Variants in CCDC136 observed in about 807,000 individuals in gnomAD.
CCDC136 encodes coiled-coil domain containing 136, also known as coiled-coil domain-containing protein 136.
CCDC136 carries 100 observed loss-of-function variants against 141.2 expected under a neutral mutation model. That is an observed-to-expected ratio of 0.71 (90% CI 0.60 to 0.84). The LOEUF (loss-of-function observed/expected upper bound fraction) is 0.84, where lower values mean the gene tolerates loss of function less well. Among genes scored for constraint, CCDC136 ranks in the 40% least tolerant of loss-of-function variants. CCDC136 has a pLI of 0.00. For missense variants in CCDC136, 1,206 were observed against 1,379.4 expected (o/e 0.87, Z 1.99); for synonymous variants, 474 against 531.9 (o/e 0.89, Z 1.50).
Position 128,798,162 on chromosome 7 carries a change from C to A in CCDC136, c.347-3024C>A, listed in dbSNP as rs1429253130. ...TCGATCTCCTGACCTCATGATCCGC[C>A]CGCCTCTGCCTCCCAAAGTGCTGGG... On this transcript the variant is annotated intron_variant, in intron 3 of 17. Coordinates refer to ENST00000297788, the MANE Select transcript of CCDC136 (RefSeq NM_022742.5). Among the ~76,000 whole-genome samples, 4 of 150,616 alleles carry A rather than the reference C, an allele frequency of 2.7e-5. No homozygotes were observed. The South Asian group carries it at 6.4e-4, about 24-fold the overall frequency.
chr7:128,818,183 C>T (rs1359348204), intron 17 of CCDC136: 1 of 306,486 alleles, frequency 3.3e-6, no homozygotes, highest in African/African-American at 2.2e-5. Context: ...ACTTCTTTAT[C>T]CCCGCTCATC....
At chr7:128,799,948 AT>A (rs1182361509) in intron 3 of CCDC136, among the ~76,000 whole-genome samples, 1 of 152,232 alleles carries the variant, frequency 6.6e-6, no homozygotes, top group African/African-American at 2.4e-5. Flanking sequence ...TATTTTGTAA[AT>A]TAAAAAATAG....
At chr7:128,795,458 A>T (rs1802801522) in intron 3 of CCDC136, among the ~76,000 whole-genome samples, 1 of 151,952 alleles carries the variant, frequency 6.6e-6, no homozygotes, top group Non-Finnish European at 1.5e-5. Context: ...GAGAACTGAG[A>T]TCAAGCCAAA....
chr7:128,809,353 T>G, intron 10 of CCDC136, 97 bp from the exon 11 acceptor site: 1 of 812,774 alleles, frequency 1.2e-6, no homozygotes, highest in Non-Finnish European at 2.0e-6. Flanking sequence ...AGGGAGAGGA[T>G]CACAAGAGGC....
chr7:128,791,873 G>A, upstream of CCDC136: 1 of 409,426 alleles, frequency 2.4e-6, no homozygotes, highest in Non-Finnish European at 3.9e-6. This position sits in a 1 kb window ranked among gnomAD's most constrained non-coding sequence, Gnocchi z 7.1. Flanking sequence ...CGGGGCGAGG[G>A]TGGGGTGGGC....
intron 3 of CCDC136, among the ~76,000 whole-genome samples, chr7:128,799,773 C>T (rs561923367): frequency 9.9e-5 from 15 of 152,222 alleles, no homozygotes; most frequent in African/African-American, 3.6e-4. Context: ...TCCTGACCCT[C>T]CCAACCCAAT....
Position 128,806,217 on chromosome 7 carries a change from T to C in CCDC136, c.1090-20T>C. On this transcript the variant is annotated intron_variant, in intron 7 of 17. Coordinates refer to ENST00000297788, the MANE Select transcript of CCDC136 (RefSeq NM_022742.5). ...TGTTTCTTGAGAGTAACTGTTCTAC[T>C]CACATCCTCCCTACCACAGAATGAG... The C allele has an allele frequency of 1.3e-5, 20 of 1,538,742 alleles. No homozygotes were observed. Among genetic ancestry groups the C allele is most frequent in the Non-Finnish European group, 1.8e-5 (20 of 1,137,410 alleles).
At chr7:128,820,471 C>G (rs140645276) in intron 17 of CCDC136, among the ~76,000 whole-genome samples, 1 of 152,182 alleles carries the variant, frequency 6.6e-6, no homozygotes, top group African/African-American at 2.4e-5. Context: ...GTGAGGTGCA[C>G]GGGTCACATT....
Position 128,805,563 on chromosome 7 carries a change from GTCTT to G in CCDC136, c.948+46_948+49del, listed in dbSNP as rs775113279. The G allele has an allele frequency of 1.8e-5, 28 of 1,571,372 alleles. No homozygotes were observed. The highest frequency in any genetic ancestry group is 9.5e-5 in the African/African-American group (7 of 74,010). On this transcript the variant is annotated intron_variant, in intron 6 of 17. Coordinates refer to ENST00000297788, the MANE Select transcript of CCDC136 (RefSeq NM_022742.5). This position sits in a 1 kb window ranked among gnomAD's most constrained non-coding sequence, Gnocchi z 4.6. ...GGTGGGGAAGGCAGGCACATTTCTTGTCTTTCTTTCACCTTCTCCCAGCCTGTGG... is the reference window on the plus strand; with the variant it reads ...GGTGGGGAAGGCAGGCACATTTCTTGTCTTTCACCTTCTCCCAGCCTGTGG...
chr7:128,820,666 A>G (rs1243386891), intron 17 of CCDC136, among the ~76,000 whole-genome samples: 1 of 152,148 alleles, frequency 6.6e-6, no homozygotes, highest in Non-Finnish European at 1.5e-5. Context: ...CGGCATGATC[A>G]TGGCTCACTG....
chr7:128,807,491 A>C lies in CCDC136; in HGVS notation c.1551A>C (p.Lys517Asn). The change falls in exon 10 of 18, where the codon AAA (lysine) becomes AAC (asparagine). Residue 517 changes from lysine to asparagine, a missense_variant. Lys to Asn is a moderately conservative substitution (Grantham distance 94). Transcript: ENST00000297788. ...TCCTGCTCTGCCAGCTGGAGCTGAAAGAGCTCAAGGCCTCCCACCCCATTC... is the reference window on the plus strand; with the variant it reads ...TCCTGCTCTGCCAGCTGGAGCTGAACGAGCTCAAGGCCTCCCACCCCATTC... ...QDLLLCQLELKELKASHPIPE... is the reference protein window; with the variant it reads ...QDLLLCQLELNELKASHPIPE... The C allele has an allele frequency of 6.5e-7, 1 of 1,539,516 alleles. No individual in the cohort carries two copies. Among genetic ancestry groups the C allele is most frequent in the East Asian group, 2.5e-5 (1 of 39,586 alleles).
intron 16 of CCDC136, among the ~76,000 whole-genome samples, chr7:128,816,508 A>G (rs918896282): frequency 6.6e-6 from 1 of 152,178 alleles, no homozygotes; most frequent in African/African-American, 2.4e-5. Context: ...AATATTTCAC[A>G]TCTGTACAGT....
chr7:128,792,347 A>G lies in CCDC136; in HGVS notation c.-65A>G, dbSNP rs1353522498. On this transcript the variant is annotated 5_prime_UTR_variant, in exon 1 of 18. It removes an upstream start codon present in the reference 5' UTR. Coordinates refer to ENST00000297788, the MANE Select transcript of CCDC136 (RefSeq NM_022742.5). ...CCCACAGTGACCACTCTAGGCTCCT[A>G]TGAGGCTTCCGAGGGCTGTGAGAGG... 2 of 1,595,188 alleles carry G rather than the reference A, an allele frequency of 1.3e-6. No homozygotes were observed. Among genetic ancestry groups the G allele is most frequent in the Admixed American group, 1.8e-5 (1 of 57,042 alleles).
In CCDC136 at chr7:128,805,470, G is replaced by T. The variant is rs201520741; in HGVS notation, c.894G>T (p.Leu298Phe). Residue 298 changes from leucine (L) to phenylalanine (F), a missense_variant, in exon 6 of 18, where the codon TTG becomes TTT. By Grantham distance (22) the Leu-to-Phe change is conservative. Transcript: ENST00000297788. The surrounding 1 kb of genome is among the most constrained non-coding windows in gnomAD (Gnocchi z 4.6). ...DFLEPDPEMQLLRQQLRDAEE... is the reference protein window; with the variant it reads ...DFLEPDPEMQFLRQQLRDAEE... ...TAGAGCCTGATCCTGAAATGCAGTTGTTACGGCAGCAGCTACGGGATGCTG... is the reference window on the plus strand; with the variant it reads ...TAGAGCCTGATCCTGAAATGCAGTTTTTACGGCAGCAGCTACGGGATGCTG... 2.4e-5 allele frequency: 38 copies of T among 1,613,930 alleles called. No homozygotes were observed. The highest frequency in any genetic ancestry group is 4.5e-5 in the East Asian group (2 of 44,890).
intron 3 of CCDC136, among the ~76,000 whole-genome samples, chr7:128,796,189 T>C (rs776904161): frequency 6.6e-6 from 1 of 152,184 alleles, no homozygotes; most frequent in Non-Finnish European, 1.5e-5. Context: ...TTGGCCAGGC[T>C]GGTCTTGAAG....
At chr7:128,816,527 A>G (rs1806658370) in intron 16 of CCDC136, among the ~76,000 whole-genome samples, 1 of 152,204 alleles carries the variant, frequency 6.6e-6, no homozygotes. Context: ...GTAGGAGCAT[A>G]GACTAGTCCA....
In CCDC136 at chr7:128,805,816, A is replaced by G. The variant is rs377594781; in HGVS notation, c.1004A>G (p.Glu335Gly). Residue 335 changes from glutamate to glycine, a missense_variant, in exon 7 of 18, where the codon GAG becomes GGG. Coordinates refer to ENST00000297788, the MANE Select transcript of CCDC136 (RefSeq NM_022742.5). The surrounding 1 kb of genome is among the most constrained non-coding windows in gnomAD (Gnocchi z 4.6). Reference sequence around the variant, plus strand: ...CTACAGCATCATCGCCAGGTCAGTGAGGAGGAGCAGAGGCGGCTGCAGAGG... The same window carrying G: ...CTACAGCATCATCGCCAGGTCAGTGGGGAGGAGCAGAGGCGGCTGCAGAGG... ...EELQHHRQVSEEEQRRLQREL... is the reference protein window; with the variant it reads ...EELQHHRQVSGEEQRRLQREL... 1.9e-6 allele frequency: 3 copies of G among 1,613,864 alleles called. No homozygotes were observed. Among genetic ancestry groups the G allele is most frequent in the Non-Finnish European group, 2.5e-6 (3 of 1,179,836 alleles).
chr7:128,801,199 T>C lies in CCDC136; in HGVS notation c.360T>C (p.Ser120=). Residue 120 remains serine (S), a synonymous_variant, in exon 4 of 18, where the codon TCT becomes TCC. Coordinates refer to ENST00000297788, the MANE Select transcript of CCDC136 (RefSeq NM_022742.5). ...QIQQLQGELR[S]LREEISLLEH... ...TGGACTTTGCAGGTGAGCTGCGTTC[T>C]CTACGGGAGGAGATTTCCCTGTTAG... The C allele has an allele frequency of 6.2e-7, 1 of 1,612,304 alleles. No homozygotes were observed. Among genetic ancestry groups the C allele is most frequent in the Middle Eastern group, 1.7e-4 (1 of 6,060 alleles).
rs772760015 is a variant in CCDC136, at chr7:128,792,421, A to C, written c.10A>C (p.Met4Leu). ...CCTGGAACGACGGGGGATGCAAGCTATGGAGGGTGAGTTTTCCCAAAAGGC... is the reference window on the plus strand; with the variant it reads ...CCTGGAACGACGGGGGATGCAAGCTCTGGAGGGTGAGTTTTCCCAAAAGGC... MQA[M>L]EGEVLLPALY... Residue 4 changes from methionine (M) to leucine (L), a missense_variant, in exon 1 of 18, where the codon ATG becomes CTG. Met to Leu is a conservative substitution (Grantham distance 15). Coordinates refer to ENST00000297788, the MANE Select transcript of CCDC136 (RefSeq NM_022742.5). The C allele has an allele frequency of 3.1e-6, 5 of 1,607,598 alleles. No individual in the cohort carries two copies. Among genetic ancestry groups the C allele is most frequent in the Non-Finnish European group, 4.2e-6 (5 of 1,177,168 alleles).
Sources: allele counts gnomAD v4.1 joint callset (sites outside exome capture counted in the v4.1 genomes callset), GRCh38; gene constraint gnomAD v4.1.1; non-coding constraint Gnocchi (gnomAD v3.1); transcripts MANE v1.5; gene names NCBI Gene and HGNC (gene_info 2026-07-23, HGNC 2026-07-21).